The following PTPRN2 variants were observed in gnomAD, a reference collection of about 807,000 sequenced individuals.
The protein encoded by PTPRN2 is protein tyrosine phosphatase receptor type N2, also known as receptor-type tyrosine-protein phosphatase N2.
In PTPRN2, 74 loss-of-function variants were observed where a neutral mutation model predicts 118.8. The observed-to-expected ratio is 0.62, with a 90% CI of 0.52 to 0.76. The LOEUF (loss-of-function observed/expected upper bound fraction) is 0.76, where lower values mean the gene tolerates loss of function less well. Ranked by LOEUF, PTPRN2 falls within the 30% of genes least tolerant of loss-of-function variation. PTPRN2 has a pLI of 0.00. For synonymous variants in PTPRN2, 641 were observed against 608.0 expected, an observed-to-expected ratio of 1.05 and a Z score of -0.80; for missense variants, 1,481 against 1,394.4, an observed-to-expected ratio of 1.06 and a Z score of -0.99.
At chr7:158,248,723 A>G (rs1425410239) in intron 3 of PTPRN2, among the ~76,000 whole-genome samples, 1 of 150,058 alleles carries the variant, frequency 6.7e-6, no homozygotes, top group Non-Finnish European at 1.5e-5. Context: ...ATGCACCCAC[A>G]TCACATGCAT....
intron 13 of PTPRN2, chr7:157,669,477 A>C (rs1796302564): frequency 2.1e-6 from 1 of 466,464 alleles, no homozygotes. Flanking sequence ...CGCCCAAGCC[A>C]GGGCCACAGA....
At position 157,615,321 on chromosome 7, in the gene PTPRN2, T is replaced by C; in HGVS notation, c.2344+6041A>G. ...GGTGTGCGTGGGTTGCGGCTGGGTC[T>C]GCGCTGGGGTAGTGTAGGCTGCACT... On this transcript the variant is annotated intron_variant, in intron 15 of 22. Transcript: ENST00000389418. This position sits in a 1 kb window ranked among gnomAD's most constrained non-coding sequence, Gnocchi z 4.3. 7.6e-6 allele frequency: 3 copies of C among 392,386 alleles called. No individual in the cohort carries two copies. Among genetic ancestry groups the C allele is most frequent in the South Asian group, 1.9e-5 (1 of 52,046 alleles). The allele number at this position is 392,386 out of a possible 1,614,324, so 24.3% of individuals were successfully genotyped here.
intron 12 of PTPRN2, among the ~76,000 whole-genome samples, chr7:157,692,109 C>A (rs1360989424): frequency 6.6e-6 from 1 of 152,250 alleles, no homozygotes; most frequent in Non-Finnish European, 1.5e-5. Flanking sequence ...TCTTTAGTTT[C>A]TCCTTTTCTG....
intron 1 of PTPRN2, among the ~76,000 whole-genome samples, chr7:158,583,964 G>T (rs978344819): frequency 9.9e-5 from 15 of 152,270 alleles, no homozygotes; most frequent in Middle Eastern, 3.4e-3. Flanking sequence ...AAACAATCAC[G>T]CCATCTCCTT....
intron 2 of PTPRN2, among the ~76,000 whole-genome samples, chr7:158,334,653 ATTGGT>A (rs1805235110): frequency 1.1e-4 from 10 of 88,050 alleles, no homozygotes; most frequent in Admixed American, 1.2e-4. Context: ...TCTCACCATA[ATTGGT>A]GACACCTGCA....
In PTPRN2 at chr7:158,529,479, A is replaced by G. The variant is rs551145650; in HGVS notation, c.113-39694T>C. ...TGACCACGGCCAGCAACGACGAGCCATGGTGACAGCTCACACACAGCTGCA... is the reference window on the plus strand; with the variant it reads ...TGACCACGGCCAGCAACGACGAGCCGTGGTGACAGCTCACACACAGCTGCA... On this transcript the variant is annotated intron_variant, in intron 1 of 22. Coordinates refer to ENST00000389418, the MANE Select transcript of PTPRN2 (RefSeq NM_002847.5). This position sits in a 1 kb window ranked among gnomAD's most constrained non-coding sequence, Gnocchi z 4.7. Among the ~76,000 whole-genome samples, 131 of 152,190 alleles carry G rather than the reference A, an allele frequency of 8.6e-4. No individual in the cohort carries two copies. Among genetic ancestry groups the G allele is most frequent in the Non-Finnish European group, 1.6e-3 (109 of 68,024 alleles).
intron 3 of PTPRN2, among the ~76,000 whole-genome samples, chr7:158,285,509 G>T (rs150850199): frequency 6.6e-6 from 1 of 152,134 alleles, no homozygotes. Flanking sequence ...TCCTGCAGGC[G>T]GGCCCCAGGA....
intron 12 of PTPRN2, among the ~76,000 whole-genome samples, chr7:157,806,894 C>A (rs1317412779): frequency 6.6e-6 from 1 of 152,248 alleles, no homozygotes; most frequent in African/African-American, 2.4e-5. Flanking sequence ...AGCCTCTATC[C>A]CATCAGACCT....
intron 1 of PTPRN2, among the ~76,000 whole-genome samples, chr7:158,535,710 G>C (rs1235759579): frequency 6.6e-6 from 1 of 151,592 alleles, no homozygotes; most frequent in Non-Finnish European, 1.5e-5. Context: ...ACAACACAAA[G>C]CAGAATACAG....
At chr7:157,573,540 A>T (rs1799863098) in intron 19 of PTPRN2, among the ~76,000 whole-genome samples, 2 of 152,212 alleles carry the variant, frequency 1.3e-5, no homozygotes, top group South Asian at 4.1e-4. Context: ...AAGGGACAGT[A>T]AAACAAACCA....
chr7:158,071,707 TGC>T (rs2128921251), intron 11 of PTPRN2, among the ~76,000 whole-genome samples: 1 of 116,542 alleles, frequency 8.6e-6, no homozygotes, highest in Non-Finnish European at 1.8e-5. Flanking sequence ...GTGGTGGAGG[TGC>T]TCCTGGTGGT....
intron 2 of PTPRN2, among the ~76,000 whole-genome samples, chr7:158,394,175 CCT>C (rs1432472818): frequency 3.3e-5 from 5 of 151,786 alleles, no homozygotes; most frequent in South Asian, 2.1e-4. Context: ...ACCTGGACCC[CCT>C]CTGTCCCCCA....
intron 3 of PTPRN2, among the ~76,000 whole-genome samples, chr7:158,259,476 C>G (rs1180615192): frequency 2.0e-5 from 3 of 152,214 alleles, no homozygotes; most frequent in African/African-American, 7.2e-5. Flanking sequence ...CTAAAGGAGG[C>G]TCTGGAGGCT....
At chr7:157,685,580 C>T (rs1406876604) in intron 12 of PTPRN2, among the ~76,000 whole-genome samples, 2 of 151,788 alleles carry the variant, frequency 1.3e-5, no homozygotes, top group African/African-American at 4.8e-5. Context: ...GAGGCCTGGT[C>T]TGCGGGCGGC....
At chr7:157,652,444 G>A (rs866608780) in intron 14 of PTPRN2, among the ~76,000 whole-genome samples, 4 of 152,222 alleles carry the variant, frequency 2.6e-5, no homozygotes, top group Admixed American at 2.6e-4. Context: ...ACAGCAAAGC[G>A]TCTCAGCTCT....
At chr7:158,079,297 G>A (rs1406946672) in intron 11 of PTPRN2, among the ~76,000 whole-genome samples, 1 of 152,192 alleles carries the variant, frequency 6.6e-6, no homozygotes, top group Non-Finnish European at 1.5e-5. Context: ...TAACATGGAG[G>A]CACTGGTGCA....
intron 11 of PTPRN2, among the ~76,000 whole-genome samples, chr7:158,047,442 A>G (rs1201025596): frequency 6.6e-6 from 1 of 152,254 alleles, no homozygotes; most frequent in Non-Finnish European, 1.5e-5. Context: ...AGGAGAGGCC[A>G]CTTGTGCTGT....
chr7:157,670,126 C>CGAGAGGCA (rs1796337410), intron 13 of PTPRN2, among the ~76,000 whole-genome samples: 1 of 152,214 alleles, frequency 6.6e-6, no homozygotes, highest in African/African-American at 2.4e-5. Flanking sequence ...GAGCCCCCGC[C>CGAGAGGCA]GGCCGACAGC....
intron 2 of PTPRN2, among the ~76,000 whole-genome samples, chr7:158,378,852 T>G (rs1371029476): frequency 6.6e-6 from 1 of 152,230 alleles, no homozygotes; most frequent in Non-Finnish European, 1.5e-5. Context: ...TATAAAATAC[T>G]TGACAAAATT....
Sources: gnomAD v4.1 joint callset for allele counts (sites outside exome capture counted in the v4.1 genomes callset) on GRCh38, gnomAD v4.1.1 for gene constraint, Gnocchi (gnomAD v3.1) non-coding constraint, MANE v1.5 for transcripts, NCBI Gene and HGNC (gene_info 2026-07-23, HGNC 2026-07-21) for gene names.